Variants in SSX5 observed in about 807,000 individuals in gnomAD.
SSX5 encodes SSX family member 5.
In SSX5, 14 loss-of-function variants were observed where a neutral mutation model predicts 14.9. That is an observed-to-expected ratio of 0.94 (90% CI 0.62 to 1.47). The LOEUF (loss-of-function observed/expected upper bound fraction) is 1.47. Ranked by LOEUF, SSX5 falls within the 40% of genes most tolerant of loss-of-function variation. The pLI, the probability that SSX5 is intolerant of heterozygous loss-of-function variation, is 0.00. For synonymous variants in SSX5, 70 were observed against 55.4 expected (o/e 1.26, Z -1.17); for missense variants, 204 against 154.6 (o/e 1.32, Z -1.70).
At position 48,195,344 on chromosome X, in the gene SSX5, A is replaced by G; in HGVS notation, c.15T>C (p.Asp5=). Residue 5 remains aspartate (D), a synonymous_variant, in exon 2 of 8, where the codon GAT becomes GAC. Coordinates refer to ENST00000347757, the MANE Select transcript of SSX5 (RefSeq NM_175723.2). MNGD[D]AFVRRPRVGS... ...CAACCCTAGGTCTCCGTACAAAGGCATCGTCTCCGTTCATGGCACCGGGAG... is the reference window on the plus strand; with the variant it reads ...CAACCCTAGGTCTCCGTACAAAGGCGTCGTCTCCGTTCATGGCACCGGGAG... 1 of 1,211,565 alleles carries G rather than the reference A, an allele frequency of 8.3e-7. No individual in the cohort carries two copies. The highest frequency in any genetic ancestry group is 1.1e-6 in the Non-Finnish European group (1 of 895,385).
intron 1 of SSX5, among the ~76,000 whole-genome samples, chrX:48,196,314 C>T (rs2059441115): frequency 9.1e-6 from 1 of 110,046 alleles, no homozygotes; most frequent in Non-Finnish European, 1.9e-5. Flanking sequence ...GGATGGTGTG[C>T]ACCTGTAGTC....
In SSX5 at chrX:48,186,573, G is replaced by A; in HGVS notation, c.*288C>T. ...ATACCTGACGATACTTGTTTTCTGA[G>A]GTAGGTGCATGGATACACAAACTGA... On this transcript the variant is annotated 3_prime_UTR_variant, in exon 8 of 8. Coordinates refer to ENST00000347757, the MANE Select transcript of SSX5 (RefSeq NM_175723.2). The A allele has an allele frequency of 2.3e-6, 1 of 444,396 alleles. No homozygotes were observed. The highest frequency in any genetic ancestry group is 3.8e-5 in the East Asian group (1 of 26,132). The allele number at this position is 444,396 out of a possible 1,213,427, so 36.6% of individuals were successfully genotyped here. A position where few individuals can be genotyped will look rare whatever the true frequency, so the allele number is the denominator to read the frequency against.
At chrX:48,190,406 G>A in intron 5 of SSX5, 138 bp from the exon 6 acceptor site, 1 of 803,284 alleles carries the variant, frequency 1.2e-6, no homozygotes, top group South Asian at 3.8e-5. Context: ...GCCTAAATTA[G>A]GAGAAACCTG....
intron 7 of SSX5, 66 bp from the exon 8 acceptor site, chrX:48,186,922 A>G: frequency 9.6e-6 from 11 of 1,150,310 alleles, no homozygotes; most frequent in Non-Finnish European, 1.3e-5. Context: ...ACTCAATCTC[A>G]ACTCCTCCTG....
rs781875347 is a variant in SSX5 at position 48,195,309 on chromosome X, A to G, written c.50T>C (p.Ile17Thr). 6.6e-6 allele frequency: 8 copies of G among 1,211,481 alleles called. No individual in the cohort carries two copies. Among genetic ancestry groups the G allele is most frequent in the South Asian group, 5.3e-5 (3 of 56,925 alleles). The change falls in exon 2 of 8, where the codon ATA becomes ACA. Residue 17 changes from isoleucine (I) to threonine (T), a missense_variant. Ile to Thr is a moderately conservative substitution (Grantham distance 89, BLOSUM62 -1). Coordinates refer to ENST00000347757, the MANE Select transcript of SSX5 (RefSeq NM_175723.2). ...FVRRPRVGSQ[I>T]PEKMQKAFDD... ...CCTCACCTTTTGCATCTTCTCTGGT[A>G]TTTGAGAACCAACCCTAGGTCTCCG...
Position 48,195,378 on chromosome X carries a change from C to T in SSX5, c.-20G>A, listed in dbSNP as rs2059437222. On this transcript the variant is annotated splice_region_variant and 5_prime_UTR_variant, in exon 2 of 8. Coordinates refer to ENST00000347757, the MANE Select transcript of SSX5 (RefSeq NM_175723.2). The stretch of plus-strand genomic sequence containing the variant: ...GTTCATGGCACCGGGAGCACTCTGT[C>T]CTACAAGAGAAACAGTCTGAGTCTT... The T allele has an allele frequency of 8.3e-7, 1 of 1,206,138 alleles. No homozygotes were observed. The highest frequency in any genetic ancestry group is 1.1e-6 in the Non-Finnish European group (1 of 892,237).
rs2059399404 is a variant in SSX5, at chrX:48,186,779, G to A, written c.*82C>T. 5 of 1,196,240 alleles carry A rather than the reference G, an allele frequency of 4.2e-6. No individual in the cohort carries two copies. The highest frequency in any genetic ancestry group is 4.5e-6 in the Non-Finnish European group (4 of 893,713). Reference sequence around the variant, plus strand: ...ACTTGCTATACACCTGATGACGAGGGATCCGCAGCCATGCCCATGTTCGTG... The same window carrying A: ...ACTTGCTATACACCTGATGACGAGGAATCCGCAGCCATGCCCATGTTCGTG... On this transcript the variant is annotated 3_prime_UTR_variant, in exon 8 of 8. Transcript: ENST00000347757.
chrX:48,186,870 C>G lies in SSX5; in HGVS notation c.*5-14G>C, dbSNP rs149280282. 1.7e-6 allele frequency: 2 copies of G among 1,195,969 alleles called. No individual in the cohort carries two copies. Among genetic ancestry groups the G allele is most frequent in the South Asian group, 1.8e-5 (1 of 56,733 alleles). On this transcript the variant is annotated splice_polypyrimidine_tract_variant and intron_variant, in intron 7 of 7. Coordinates refer to ENST00000347757, the MANE Select transcript of SSX5 (RefSeq NM_175723.2). Reference sequence around the variant, plus strand: ...ATATCCCCGAGGCTGAGGCAAGAAGCGAGAAGGAAAGTAAGTGGCAGTGAG... The same window carrying G: ...ATATCCCCGAGGCTGAGGCAAGAAGGGAGAAGGAAAGTAAGTGGCAGTGAG...
intron 2 of SSX5, chrX:48,195,071 C>T: frequency 8.3e-7 from 1 of 1,211,626 alleles, no homozygotes; most frequent in South Asian, 1.8e-5. Flanking sequence ...TCCCACCTTC[C>T]AGAACGGACT....
chrX:48,192,305 T>G (rs1556924937), intron 4 of SSX5, 24 bp from the exon 5 acceptor site: 7 of 1,210,721 alleles, frequency 5.8e-6, no homozygotes, highest in Non-Finnish European at 7.8e-6. Flanking sequence ...CATCAGAATT[T>G]TTCTTTGTTG....
At position 48,186,777 on chromosome X, in the gene SSX5, G is replaced by C. The variant is rs1455846804; in HGVS notation, c.*84C>G. 1 of 1,196,235 alleles carries C rather than the reference G, an allele frequency of 8.4e-7. No individual in the cohort carries two copies. The highest frequency in any genetic ancestry group is 1.1e-6 in the Non-Finnish European group (1 of 893,618). On this transcript the variant is annotated 3_prime_UTR_variant, in exon 8 of 8. Transcript: ENST00000347757. ...TCACTTGCTATACACCTGATGACGA[G>C]GGATCCGCAGCCATGCCCATGTTCG...
chrX:48,190,181 G>A lies in SSX5; in HGVS notation c.418C>T (p.Arg140Cys), dbSNP rs145257810. The change falls in exon 6 of 8, where the codon CGC becomes TGC. Residue 140 changes from arginine to cysteine, a missense_variant. Arg to Cys is a radical substitution (Grantham distance 180). Coordinates refer to ENST00000347757, the MANE Select transcript of SSX5 (RefSeq NM_175723.2). Reference protein sequence around the residue: ...SGPQNNGKQLRPSGKLNTSEK... With the variant: ...SGPQNNGKQLCPSGKLNTSEK... Reference sequence around the variant, plus strand: ...GAGGTATTTAGTTTTCCTGAGGGGCGCAGCTGTTTCCCATTGTTCTGTGGG... The same window carrying A: ...GAGGTATTTAGTTTTCCTGAGGGGCACAGCTGTTTCCCATTGTTCTGTGGG... 466 of 1,208,238 alleles carry A rather than the reference G, an allele frequency of 3.9e-4. No individual in the cohort carries two copies. In the African/African-American group the frequency reaches 6.9e-3, roughly 18 times the overall value.
rs1468876510 is a variant in SSX5 at position 48,194,596 on chromosome X, G to A, written c.184+144C>T. On this transcript the variant is annotated intron_variant, in intron 3 of 7. Transcript: ENST00000347757. ...CTCAGCCCTGACAAGATACAGAAGA[G>A]CAGAGCACCCAGAAGCTGCCTTGCC... 4 of 655,305 alleles carry A rather than the reference G, an allele frequency of 6.1e-6. No homozygotes were observed. The African/African-American group carries it at 9.0e-5, about 15-fold the overall frequency. The allele number at this position is 655,305 out of a possible 1,213,427, so 54.0% of individuals were successfully genotyped here.
chrX:48,190,208 C>T lies in SSX5; in HGVS notation c.391G>A (p.Gly131Ser), dbSNP rs1556924507. 5.0e-6 allele frequency: 6 copies of T among 1,208,944 alleles called. No homozygotes were observed. The highest frequency in any genetic ancestry group is 6.7e-6 in the Non-Finnish European group (6 of 894,378). ...NDSKGVPEAS[G>S]PQNNGKQLRP... ...AGCTGTTTCCCATTGTTCTGTGGGC[C>T]AGATGCTTCTGGCACTCCCTTCGAA... is the stretch of plus-strand genomic sequence containing the variant. The change falls in exon 6 of 8, where the codon GGC becomes AGC. Residue 131 changes from glycine (G) to serine (S), a missense_variant. Physicochemically the swap from Gly to Ser is moderately conservative, Grantham distance 56. Coordinates refer to ENST00000347757, the MANE Select transcript of SSX5 (RefSeq NM_175723.2).
chrX:48,188,108 AT>A (rs1208193396), intron 6 of SSX5, among the ~76,000 whole-genome samples: 206 of 108,168 alleles, frequency 1.9e-3, no homozygotes, highest in African/African-American at 6.3e-3. Context: ...AGATGTTGCA[AT>A]TTTTTTTTTG....
chrX:48,193,120 T>C (rs2059426405), intron 4 of SSX5, among the ~76,000 whole-genome samples: 1 of 111,951 alleles, frequency 8.9e-6, no homozygotes, highest in Admixed American at 9.5e-5. Context: ...TTGGTTTTGA[T>C]AAAATACAGG....
rs1342887473 is a variant in SSX5 at position 48,187,829 on chromosome X, T to C, written c.467-98A>G. The C allele has an allele frequency of 4.9e-5, 51 of 1,033,616 alleles. 1 individual carries two copies. The highest frequency in any genetic ancestry group is 6.2e-5 in the Non-Finnish European group (46 of 746,096). 85.2% of individuals were successfully genotyped at this position (1,033,616 alleles called of 1,213,427 possible). On this transcript the variant is annotated intron_variant, in intron 6 of 7. Coordinates refer to ENST00000347757, the MANE Select transcript of SSX5 (RefSeq NM_175723.2). The stretch of plus-strand genomic sequence containing the variant: ...GCTCTGTTTTCTCCAAAAAAGGAGA[T>C]GCCTCCCCACCACCAAGTGCCCATG...
chrX:48,194,139 A>G lies in SSX5; in HGVS notation c.270T>C (p.Arg90=), dbSNP rs1556925324. ...TTCCCATCTACTCACCCTGATTCCC[A>G]CGGTTAGGGTCATTATCAAAATCAT... is the stretch of plus-strand genomic sequence containing the variant. ...QGNDFDNDPN[R]GNQVEHPQMT... is the part of the protein sequence containing the mutation. Residue 90 remains arginine, a synonymous_variant, in exon 4 of 8, where the codon CGT becomes CGC. Transcript: ENST00000347757. 4 of 1,209,495 alleles carry G rather than the reference A, an allele frequency of 3.3e-6. No individual in the cohort carries two copies. The highest frequency in any genetic ancestry group is 2.2e-5 in the Admixed American group (1 of 45,789).
intron 6 of SSX5, among the ~76,000 whole-genome samples, chrX:48,189,742 G>A (rs1453637843): frequency 9.0e-6 from 1 of 111,630 alleles, no homozygotes; most frequent in East Asian, 2.8e-4. Flanking sequence ...ACCTATATCG[G>A]GTAACAGGCA....
Sources: gnomAD v4.1 joint callset for allele counts (sites outside exome capture counted in the v4.1 genomes callset) on GRCh38, gnomAD v4.1.1 for gene constraint, MANE v1.5 for transcripts, NCBI Gene and HGNC (gene_info 2026-07-23, HGNC 2026-07-21) for gene names.